Variants in RBFOX1 observed in about 807,000 individuals in gnomAD.
RBFOX1 encodes the protein RNA binding protein fox-1 homolog 1.
Under a neutral mutation model 57.7 loss-of-function variants are expected in RBFOX1, and 8 were observed. The observed-to-expected ratio is 0.14, with a 90% CI of 0.08 to 0.25. The LOEUF (loss-of-function observed/expected upper bound fraction) is 0.25. Among genes scored for constraint, RBFOX1 ranks in the 10% least tolerant of loss-of-function variants. The pLI is 1.00. For synonymous variants in RBFOX1, 326 were observed against 222.4 expected (o/e 1.47, Z -4.15); for missense variants, 611 against 548.5 (o/e 1.11, Z -1.14).
intron 1 of RBFOX1, among the ~76,000 whole-genome samples, chr16:6,226,568 G>T (rs933189714): frequency 6.6e-6 from 1 of 151,992 alleles, no homozygotes; most frequent in African/African-American, 2.4e-5. Context: ...GTATGAATTG[G>T]TTTTTGATAT....
rs372412356 is a variant in RBFOX1 at position 6,066,293 on chromosome 16, C to CAAAAAAA, written c.-127+46322_-127+46328dup. ...CTGACTACAGAGCAAGACTCTGTCT[C>CAAAAAAA]AAAAAAAAAAAAAAAAAAAAAAAAA... On this transcript the variant is annotated intron_variant, in intron 1 of 15. Coordinates refer to ENST00000550418, the MANE Select transcript of RBFOX1 (RefSeq NM_018723.4). Among the ~76,000 whole-genome samples, 13 of 50,384 alleles carry CAAAAAAA rather than the reference C, an allele frequency of 2.6e-4. 2 individuals are homozygous for CAAAAAAA. Among genetic ancestry groups the CAAAAAAA allele is most frequent in the East Asian group, 2.9e-3 (2 of 690 alleles). The allele number at this position is 50,384 out of a possible 152,430, so 33.1% of individuals were successfully genotyped here.
At chr16:5,959,044 C>G (rs2059700372) in intron 4 of RBFOX1, among the ~76,000 whole-genome samples, 1 of 152,214 alleles carries the variant, frequency 6.6e-6, no homozygotes, top group Non-Finnish European at 1.5e-5. Context: ...CATTATTCTG[C>G]TGACCACACC....
chr16:6,602,741 C>T (rs1364156438), intron 2 of RBFOX1, among the ~76,000 whole-genome samples: 1 of 137,376 alleles, frequency 7.3e-6, no homozygotes, highest in Non-Finnish European at 1.6e-5. Context: ...TTTTTTTCCA[C>T]TTGCTGCTTT....
chr16:7,346,902 A>G (rs2097020875), intron 4 of RBFOX1, among the ~76,000 whole-genome samples: 1 of 152,150 alleles, frequency 6.6e-6, no homozygotes, highest in African/African-American at 2.4e-5. Flanking sequence ...TCTAGCTTCA[A>G]AAAAAACGAG....
chr16:5,646,134 A>G (rs373969993), intron 3 of RBFOX1, among the ~76,000 whole-genome samples: 7 of 149,552 alleles, frequency 4.7e-5, no homozygotes, highest in Admixed American at 4.0e-4. Flanking sequence ...GGTTTACACT[A>G]TTCTGCTGCC....
intron 3 of RBFOX1, among the ~76,000 whole-genome samples, chr16:6,931,332 T>C (rs1252733265): frequency 5.3e-5 from 4 of 75,914 alleles, no homozygotes; most frequent in African/African-American, 2.1e-4. Context: ...TATCTATCTA[T>C]CTATCTCTAC....
intron 4 of RBFOX1, among the ~76,000 whole-genome samples, chr16:7,111,672 C>T (rs534706821): frequency 1.3e-5 from 2 of 151,916 alleles, no homozygotes; most frequent in Non-Finnish European, 2.9e-5. Context: ...ATACCTGTGC[C>T]TTGTATAAAA....
At chr16:6,331,692 C>G (rs985223841) in intron 2 of RBFOX1, among the ~76,000 whole-genome samples, 1 of 151,640 alleles carries the variant, frequency 6.6e-6, no homozygotes, top group Non-Finnish European at 1.5e-5. Flanking sequence ...TTGCTCAATT[C>G]TCTGGTGCAT....
chr16:6,885,723 G>C (rs2063861595), intron 3 of RBFOX1, among the ~76,000 whole-genome samples: 2 of 151,962 alleles, frequency 1.3e-5, no homozygotes, highest in South Asian at 2.1e-4. Context: ...GTAGAGACTG[G>C]GTTTCACCAG....
At chr16:6,406,635 A>G (rs1245014892) in intron 2 of RBFOX1, among the ~76,000 whole-genome samples, 2 of 151,388 alleles carry the variant, frequency 1.3e-5, no homozygotes, top group African/African-American at 4.9e-5. Flanking sequence ...CTGCAGTAAT[A>G]GAATTTTGAA....
intron 4 of RBFOX1, among the ~76,000 whole-genome samples, chr16:7,184,630 A>G (rs1422443504): frequency 6.6e-6 from 1 of 152,216 alleles, no homozygotes; most frequent in African/African-American, 2.4e-5. Flanking sequence ...TAGAGCAGTC[A>G]CAGTATACCA....
intron 4 of RBFOX1, among the ~76,000 whole-genome samples, chr16:7,277,977 A>G (rs1179375542): frequency 6.6e-6 from 1 of 152,080 alleles, no homozygotes; most frequent in Non-Finnish European, 1.5e-5. Flanking sequence ...CTAAGACATT[A>G]ATATTTTATT....
chr16:7,402,688 G>C (rs2148838068), intron 4 of RBFOX1, among the ~76,000 whole-genome samples: 1 of 152,268 alleles, frequency 6.6e-6, no homozygotes, highest in East Asian at 1.9e-4. Context: ...AGCCTAATTG[G>C]ACAGCCACTG....
chr16:6,528,674 T>G (rs565179786), intron 2 of RBFOX1, among the ~76,000 whole-genome samples: 28 of 152,332 alleles, frequency 1.8e-4, no homozygotes, highest in African/African-American at 6.5e-4. Context: ...TGTGCTAGGC[T>G]TTGAGTAGGG....
chr16:7,408,531 A>G (rs1269014756), intron 4 of RBFOX1, among the ~76,000 whole-genome samples: 1 of 152,180 alleles, frequency 6.6e-6, no homozygotes, highest in Non-Finnish European at 1.5e-5. Flanking sequence ...TCATCTCTCT[A>G]GACTGCCCAT....
chr16:7,186,280 ATATT>A (rs1410705191), intron 4 of RBFOX1, among the ~76,000 whole-genome samples: 2 of 123,310 alleles, frequency 1.6e-5, no homozygotes, highest in South Asian at 2.7e-4. Flanking sequence ...AAACATAAAC[ATATT>A]TATATAAATA....
At chr16:5,905,810 T>G (rs947016603) in intron 4 of RBFOX1, among the ~76,000 whole-genome samples, 1 of 152,174 alleles carries the variant, frequency 6.6e-6, no homozygotes, top group Non-Finnish European at 1.5e-5. Context: ...GTGAGAAAAC[T>G]GATCCACTCC....
At chr16:7,012,799 A>T (rs139446994) in intron 3 of RBFOX1, among the ~76,000 whole-genome samples, 1 of 152,148 alleles carries the variant, frequency 6.6e-6, no homozygotes, top group Non-Finnish European at 1.5e-5. Flanking sequence ...TAACAAACTG[A>T]TATCTTAGTG....
chr16:6,525,080 C>T, intron 2 of RBFOX1, among the ~76,000 whole-genome samples: 1 of 152,112 alleles, frequency 6.6e-6, no homozygotes, highest in East Asian at 1.9e-4. Flanking sequence ...ACATTCCCTC[C>T]CTCCACCTAA....
Sources: gnomAD v4.1 joint callset for allele counts (sites outside exome capture counted in the v4.1 genomes callset) on GRCh38, gnomAD v4.1.1 for gene constraint, MANE v1.5 for transcripts, NCBI Gene and HGNC (gene_info 2026-07-23, HGNC 2026-07-21) for gene names.